Variants in ANK2 observed in about 807,000 individuals in gnomAD.
ANK2 encodes the protein ankyrin 2, also known as ankyrin-2.
In ANK2, 83 loss-of-function variants were observed where a neutral mutation model predicts 360.5. The ratio of observed to expected loss-of-function variants is 0.23; its 90% CI spans 0.19 to 0.28. ANK2 has a LOEUF of 0.28. ANK2 is among the 10% of genes least tolerant of loss of function. The pLI, the probability that ANK2 is intolerant of heterozygous loss-of-function variation, is 1.00. For missense variants in ANK2, 4,201 were observed against 4,795.7 expected, an observed-to-expected ratio of 0.88 and a Z score of 3.66; for synonymous variants, 1,740 against 1,759.5, an observed-to-expected ratio of 0.99 and a Z score of 0.28.
At chr4:113,280,691 G>A (rs2061951603) in intron 17 of ANK2, among the ~76,000 whole-genome samples, 1 of 152,194 alleles carries the variant, frequency 6.6e-6, no homozygotes, top group Non-Finnish European at 1.5e-5. Context: ...AATTATTTGA[G>A]TCCAAAAATG....
chr4:113,214,861 C>T (rs556148354), intron 4 of ANK2, among the ~76,000 whole-genome samples: 1 of 152,084 alleles, frequency 6.6e-6, no homozygotes, highest in Non-Finnish European at 1.5e-5. Flanking sequence ...AAGTACACAT[C>T]ATTTCACTTA....
chr4:113,038,970 C>T (rs541874616), intron 2 of ANK2, among the ~76,000 whole-genome samples: 4 of 152,038 alleles, frequency 2.6e-5, no homozygotes, highest in African/African-American at 4.8e-5. Context: ...CCTTAATCCC[C>T]GACTCACAAA....
chr4:113,298,243 C>G (rs549101416), intron 22 of ANK2, among the ~76,000 whole-genome samples: 2 of 152,196 alleles, frequency 1.3e-5, no homozygotes, highest in South Asian at 4.2e-4. Context: ...ACAGTATTTA[C>G]ATAATATTTA....
intron 1 of ANK2, among the ~76,000 whole-genome samples, chr4:112,866,005 T>G (rs1436833507): frequency 6.6e-6 from 1 of 152,238 alleles, no homozygotes; most frequent in African/African-American, 2.4e-5. Flanking sequence ...ACTTCACCAC[T>G]TTGGTGGCTC....
rs776273387 is a variant in ANK2, at chr4:113,342,961, AAAC to A, written c.4123-50_4123-48del. ...AAGTAGTACTACCACTTCTTTGTGT[AAAC>A]AACAAGTATAATTGCAGCTACTTTA... On this transcript the variant is annotated intron_variant, in intron 33 of 45. Coordinates refer to ENST00000357077, the MANE Select transcript of ANK2 (RefSeq NM_001148.6). 452 of 1,607,898 alleles carry A rather than the reference AAAC, an allele frequency of 2.8e-4. No individual in the cohort carries two copies. The Middle Eastern group carries it at 5.4e-3, about 19-fold the overall frequency.
chr4:113,037,498 T>C (rs759029803), intron 2 of ANK2, among the ~76,000 whole-genome samples: 1 of 151,964 alleles, frequency 6.6e-6, no homozygotes, highest in Non-Finnish European at 1.5e-5. Flanking sequence ...TTGACACTTA[T>C]GCAAGATAAA....
upstream of ANK2, chr4:113,049,609 G>A (rs2065995754): frequency 2.0e-6 from 3 of 1,502,644 alleles, no homozygotes; most frequent in African/African-American, 1.4e-5. Flanking sequence ...CTCCCAGTGC[G>A]CGCCCCTTCC....
intron 2 of ANK2, among the ~76,000 whole-genome samples, chr4:113,019,182 C>T (rs549372740): frequency 5.3e-5 from 8 of 152,178 alleles, no homozygotes; most frequent in Admixed American, 1.3e-4. Context: ...TTTAAAATAT[C>T]CCATTAACAT....
At chr4:113,313,030 A>G (rs568961400) in intron 24 of ANK2, among the ~76,000 whole-genome samples, 5 of 152,314 alleles carry the variant, frequency 3.3e-5, no homozygotes, top group East Asian at 1.9e-4. Context: ...GTCAGATTTC[A>G]TGATGAATTT....
At chr4:112,989,504 G>A (rs1289838180) in intron 2 of ANK2, among the ~76,000 whole-genome samples, 1 of 152,094 alleles carries the variant, frequency 6.6e-6, no homozygotes, top group Non-Finnish European at 1.5e-5. Flanking sequence ...ATAAGCCCTG[G>A]TGCCTCTGAC....
intron 2 of ANK2, among the ~76,000 whole-genome samples, chr4:112,936,112 T>C (rs1265307322): frequency 1.3e-5 from 2 of 152,178 alleles, no homozygotes; most frequent in Non-Finnish European, 2.9e-5. Flanking sequence ...CCACCTATAG[T>C]GTAGGCAGCT....
chr4:112,921,054 T>C (rs1370879573), intron 2 of ANK2, among the ~76,000 whole-genome samples: 2 of 146,228 alleles, frequency 1.4e-5, no homozygotes, highest in Non-Finnish European at 3.0e-5. Context: ...CTTTTTCTCT[T>C]TTTTTTTTTT....
chr4:113,375,073 A>G (rs2096876860), intron 45 of ANK2: 2 of 330,080 alleles, frequency 6.1e-6, no homozygotes, highest in Non-Finnish European at 8.8e-6. Flanking sequence ...ATAATTCAAG[A>G]GGGTAGAACT....
At chr4:113,163,183 C>A (rs2097598916) in intron 1 of ANK2, among the ~76,000 whole-genome samples, 3 of 152,084 alleles carry the variant, frequency 2.0e-5, no homozygotes, top group African/African-American at 4.8e-5. Flanking sequence ...AGTGGGCTGG[C>A]ATGATGGGAG....
intron 45 of ANK2, chr4:113,374,763 G>T: frequency 9.1e-7 from 1 of 1,093,542 alleles, no homozygotes; most frequent in Non-Finnish European, 1.1e-6. Context: ...TCGATCATTA[G>T]GTCACTTTGT....
chr4:113,034,289 C>A (rs1331094854), intron 2 of ANK2, among the ~76,000 whole-genome samples: 1 of 151,926 alleles, frequency 6.6e-6, no homozygotes, highest in African/African-American at 2.4e-5. Flanking sequence ...TTTTATTTAG[C>A]TTATAACCTG....
chr4:113,108,315 G>A (rs1238175766), intron 1 of ANK2, among the ~76,000 whole-genome samples: 1 of 152,068 alleles, frequency 6.6e-6, no homozygotes, highest in Non-Finnish European at 1.5e-5. Context: ...TAATTCAATA[G>A]CAATATTGTA....
chr4:112,993,346 A>G (rs2047459950), intron 2 of ANK2, among the ~76,000 whole-genome samples: 1 of 152,180 alleles, frequency 6.6e-6, no homozygotes. Flanking sequence ...TCTGTCACCC[A>G]GGCTGGAGTG....
the ANK2 span, among the ~76,000 whole-genome samples, chr4:112,730,292 A>T: frequency 2.0e-5 from 3 of 146,474 alleles, no homozygotes; most frequent in Non-Finnish European, 4.5e-5. Flanking sequence ...TACGTTCAGG[A>T]GACCTATTGA....
Sources: allele counts gnomAD v4.1 joint callset (sites outside exome capture counted in the v4.1 genomes callset), GRCh38; gene constraint gnomAD v4.1.1; transcripts MANE v1.5; gene names NCBI Gene and HGNC (gene_info 2026-07-23, HGNC 2026-07-21).